HDAC4: variants seen among roughly 807,000 people sequenced by gnomAD.
HDAC4 encodes the protein histone deacetylase 4.
Under a neutral mutation model 135.1 loss-of-function variants are expected in HDAC4, and 16 were observed. The observed-to-expected ratio is 0.12, with a 90% CI of 0.08 to 0.18. The LOEUF is 0.18. Among genes scored for constraint, HDAC4 ranks in the 10% least tolerant of loss-of-function variants. HDAC4 has a pLI of 1.00. For synonymous variants in HDAC4, 685 were observed against 653.4 expected (o/e 1.05, Z -0.74); for missense variants, 1,143 against 1,511.8 (o/e 0.76, Z 4.05).
At chr2:239,205,767 TG>T (rs2046009214) in intron 3 of HDAC4, among the ~76,000 whole-genome samples, 1 of 151,960 alleles carries the variant, frequency 6.6e-6, no homozygotes, top group African/African-American at 2.4e-5. Context: ...ACCTAACTTG[TG>T]GGGTTGAAGT....
chr2:239,399,042 G>T (rs1485106833), intron 1 of HDAC4, among the ~76,000 whole-genome samples: 1 of 152,178 alleles, frequency 6.6e-6, no homozygotes, highest in Non-Finnish European at 1.5e-5. Flanking sequence ...TGTTTTTAAG[G>T]CATGAAAATA....
At chr2:239,223,326 C>T (rs1013326249) in intron 3 of HDAC4, among the ~76,000 whole-genome samples, 1 of 152,232 alleles carries the variant, frequency 6.6e-6, no homozygotes, top group Non-Finnish European at 1.5e-5. Context: ...CTCTCTGGGG[C>T]GAGCCGGCCT....
Position 239,233,718 on chromosome 2 carries a change from G to A in HDAC4, c.94+2875C>T, listed in dbSNP as rs530587398. ...TGAACATAACGGCATTCACACGAGG[G>A]AATGGTCAGGAAACAGGACAGATCA... On this transcript the variant is annotated intron_variant, in intron 3 of 26. Transcript: ENST00000543185. Among the ~76,000 whole-genome samples the A allele has an allele frequency of 3.3e-5, 5 of 152,306 alleles. No individual in the cohort carries two copies. The South Asian group carries it at 8.3e-4, about 25-fold the overall frequency.
intron 2 of HDAC4, among the ~76,000 whole-genome samples, chr2:239,346,617 C>G (rs536485517): frequency 1.4e-5 from 2 of 143,030 alleles, no homozygotes; most frequent in East Asian, 4.0e-4. Flanking sequence ...CACATACACA[C>G]CTTAACACAC....
intron 2 of HDAC4, among the ~76,000 whole-genome samples, chr2:239,320,978 C>T (rs181588452): frequency 7.6e-4 from 115 of 151,938 alleles, no homozygotes; most frequent in Middle Eastern, 6.8e-3. Flanking sequence ...TGATTTATAC[C>T]GCTTTCCTTG....
At chr2:239,158,078 A>G (rs1330001192) in intron 6 of HDAC4, among the ~76,000 whole-genome samples, 5 of 152,222 alleles carry the variant, frequency 3.3e-5, no homozygotes, top group African/African-American at 4.8e-5. Flanking sequence ...GCCTGTCTGC[A>G]CCTGTGCAGG....
chr2:239,176,481 T>C lies in HDAC4; in HGVS notation c.422A>G (p.Gln141Arg), dbSNP rs767317965. 5 of 1,613,436 alleles carry C rather than the reference T, an allele frequency of 3.1e-6. No homozygotes were observed. The African/African-American group carries it at 6.7e-5, about 22-fold the overall frequency. The stretch of plus-strand genomic sequence containing the variant: ...CTCCCGGTGCTGCTTCTCCAGCTCC[T>C]GCTCCTGGCGGTGCCTCTCCAGCTT... ...QRKLERHRQE[Q>R]ELEKQHREQK... is the part of the protein sequence containing the mutation. Residue 141 changes from glutamine (Q) to arginine (R), a missense_variant, in exon 5 of 27, where the codon CAG becomes CGG. Physicochemically the swap from Gln to Arg is conservative, Grantham distance 43. This residue lies in a region of HDAC4 where 247 missense variants were observed against 310.0 expected (regional missense o/e 0.80). Coordinates refer to ENST00000543185, the MANE Select transcript of HDAC4 (RefSeq NM_001378414.1).
At chr2:239,114,946 G>A (rs1040577067) in intron 13 of HDAC4, 107 bp downstream of exon 13, 40 of 1,340,488 alleles carry the variant, frequency 3.0e-5, no homozygotes, top group Middle Eastern at 2.5e-4. Flanking sequence ...GACAGTGACC[G>A]CGCAAGGATG....
intron 4 of HDAC4, among the ~76,000 whole-genome samples, chr2:239,181,459 A>G (rs2044146188): frequency 6.6e-6 from 1 of 152,264 alleles, no homozygotes; most frequent in South Asian, 2.1e-4. Context: ...CAGGAGGGGC[A>G]GGGAGGGCCG....
chr2:239,306,015 G>A lies in HDAC4; in HGVS notation c.22+46663C>T, dbSNP rs930253985. 3.3e-5 allele frequency among the ~76,000 whole-genome samples: 5 copies of A among 152,110 alleles called. No individual in the cohort carries two copies. Among genetic ancestry groups the A allele is most frequent in the African/African-American group, 9.7e-5 (4 of 41,424 alleles). On this transcript the variant is annotated intron_variant, in intron 2 of 26. Coordinates refer to ENST00000543185, the MANE Select transcript of HDAC4 (RefSeq NM_001378414.1). The surrounding 1 kb of genome is among the most constrained non-coding windows in gnomAD (Gnocchi z 4.5). ...AGCACAGTGTCTGCGTCTCCCCCAC[G>A]CTGAAATGATTCCTAGTGTCCTAGA...
chr2:239,294,466 C>T (rs1019591660), intron 2 of HDAC4, among the ~76,000 whole-genome samples: 3 of 152,126 alleles, frequency 2.0e-5, no homozygotes, highest in African/African-American at 7.2e-5. Context: ...GCAAGGAGGT[C>T]GCGCCACTGT....
chr2:239,216,879 C>T (rs1467299564), intron 3 of HDAC4, among the ~76,000 whole-genome samples: 3 of 152,246 alleles, frequency 2.0e-5, no homozygotes, highest in Admixed American at 6.5e-5. Context: ...AGGAAGGAAG[C>T]TCTGACTAAG....
chr2:239,201,380 A>C (rs2045745337), intron 3 of HDAC4, among the ~76,000 whole-genome samples: 1 of 152,198 alleles, frequency 6.6e-6, no homozygotes, highest in Admixed American at 6.5e-5. Flanking sequence ...CTGAGGCCTC[A>C]GAACTTCTGC....
intron 3 of HDAC4, among the ~76,000 whole-genome samples, chr2:239,192,373 C>A (rs2045044687): frequency 6.6e-6 from 1 of 152,094 alleles, no homozygotes; most frequent in African/African-American, 2.4e-5. Flanking sequence ...ATTTTTATGA[C>A]AAAATATAGC....
chr2:239,073,983 A>AGGGGGCCGCAGGACTGAG (rs1553605543), intron 22 of HDAC4, among the ~76,000 whole-genome samples: 1 of 146,292 alleles, frequency 6.8e-6, no homozygotes, highest in Non-Finnish European at 1.5e-5. Context: ...CGCAGGACTG[A>AGGGGGCCGCAGGACTGAG]GGGGGCCGCA....
At chr2:239,305,584 T>TA (rs1426006514) in intron 2 of HDAC4, 2 of 152,716 alleles carry the variant, frequency 1.3e-5, no homozygotes, top group African/African-American at 2.4e-5. Context: ...GTATATTTTT[T>TA]AAAAAACTAT....
chr2:239,181,429 G>A (rs75279598), intron 4 of HDAC4, among the ~76,000 whole-genome samples: 4,855 of 152,336 alleles, frequency 0.032, 169 homozygotes, highest in African/African-American at 0.08. Context: ...CACCCACCAC[G>A]CCCGGCAGCA....
At chr2:239,190,924 C>T in intron 3 of HDAC4, 2 of 468,140 alleles carry the variant, frequency 4.3e-6, no homozygotes, top group Non-Finnish European at 8.8e-6. Context: ...GACCTGCGCA[C>T]CCCTTTTACG....
chr2:239,241,966 T>C (rs2048197674), intron 2 of HDAC4, among the ~76,000 whole-genome samples: 1 of 152,022 alleles, frequency 6.6e-6, no homozygotes, highest in Admixed American at 6.6e-5. Context: ...AACCCTACTT[T>C]TTTCTTCCAG....
Sources: gnomAD v4.1 joint callset for allele counts (sites outside exome capture counted in the v4.1 genomes callset) on GRCh38, gnomAD v4.1.1 for gene constraint, gnomAD v4.1.1 regional missense constraint, Gnocchi (gnomAD v3.1) non-coding constraint, MANE v1.5 for transcripts, NCBI Gene and HGNC (gene_info 2026-07-23, HGNC 2026-07-21) for gene names.